Variants in CCDC60 observed in about 807,000 individuals in gnomAD.
CCDC60 encodes coiled-coil domain containing 60.
Under a neutral mutation model 63.5 loss-of-function variants are expected in CCDC60, and 54 were observed. The ratio of observed to expected loss-of-function variants is 0.85; its 90% CI spans 0.68 to 1.07. The LOEUF (loss-of-function observed/expected upper bound fraction) is 1.07, where lower values mean the gene tolerates loss of function less well. Ranked by LOEUF, CCDC60 falls within the 50% of genes least tolerant of loss-of-function variation. The pLI is 0.00. For synonymous variants in CCDC60, 206 were observed against 238.8 expected (o/e 0.86, Z 1.27); for missense variants, 651 against 684.3 (o/e 0.95, Z 0.54).
intron 2 of CCDC60, among the ~76,000 whole-genome samples, chr12:119,447,257 C>T (rs1566014736): frequency 1.3e-5 from 2 of 152,250 alleles, no homozygotes; most frequent in East Asian, 3.9e-4. Context: ...GTTGTAAACT[C>T]AAAAGGGAAG....
At chr12:119,444,129 A>C (rs188342576) in intron 2 of CCDC60, among the ~76,000 whole-genome samples, 6 of 152,338 alleles carry the variant, frequency 3.9e-5, no homozygotes, top group Non-Finnish European at 5.9e-5. Flanking sequence ...GCCAGAAAGC[A>C]TACAGCTAAG....
intron 2 of CCDC60, among the ~76,000 whole-genome samples, chr12:119,451,922 C>G (rs1023932018): frequency 6.6e-6 from 1 of 152,150 alleles, no homozygotes; most frequent in African/African-American, 2.4e-5. Context: ...AGAACTGGCC[C>G]TCACCAAGAG....
At chr12:119,403,280 A>T (rs1345086530) in intron 1 of CCDC60, among the ~76,000 whole-genome samples, 2 of 152,116 alleles carry the variant, frequency 1.3e-5, no homozygotes, top group Non-Finnish European at 2.9e-5. Flanking sequence ...GAATATTTTG[A>T]TTGGCTGGGC....
chr12:119,385,137 C>T (rs116730272), intron 1 of CCDC60, among the ~76,000 whole-genome samples: 2 of 152,180 alleles, frequency 1.3e-5, no homozygotes, highest in African/African-American at 4.8e-5. Flanking sequence ...AATATTGACT[C>T]CTTGAGGACA....
At chr12:119,439,059 G>A (rs1950382352) in intron 2 of CCDC60, among the ~76,000 whole-genome samples, 1 of 146,582 alleles carries the variant, frequency 6.8e-6, no homozygotes, top group African/African-American at 2.5e-5. Flanking sequence ...CATGGTCCTG[G>A]ACCATGAGAA....
intron 2 of CCDC60, among the ~76,000 whole-genome samples, chr12:119,465,420 A>G (rs1305652081): frequency 6.6e-6 from 1 of 152,086 alleles, no homozygotes; most frequent in African/African-American, 2.4e-5. Context: ...TAAAGCCTCT[A>G]TGTATTGATT....
chr12:119,505,478 T>C (rs539326609), intron 7 of CCDC60, among the ~76,000 whole-genome samples, 175 bp downstream of exon 7: 2 of 152,364 alleles, frequency 1.3e-5, no homozygotes, highest in African/African-American at 4.8e-5. Context: ...ATCAGAAATA[T>C]ACTCCATAAC....
At chr12:119,335,526 G>C (rs1955461877) in intron 1 of CCDC60, among the ~76,000 whole-genome samples, 1 of 150,530 alleles carries the variant, frequency 6.6e-6, no homozygotes, top group Non-Finnish European at 1.5e-5. Flanking sequence ...TTGTGGTTTT[G>C]ATTTGCATTT....
At chr12:119,449,066 G>T (rs1487534635) in intron 2 of CCDC60, among the ~76,000 whole-genome samples, 1 of 152,178 alleles carries the variant, frequency 6.6e-6, no homozygotes, top group Non-Finnish European at 1.5e-5. Context: ...AAGGTATGGG[G>T]TGACTTTTTG....
intron 1 of CCDC60, among the ~76,000 whole-genome samples, chr12:119,384,601 G>A (rs1056470600): frequency 2.6e-5 from 4 of 152,152 alleles, no homozygotes; most frequent in African/African-American, 4.8e-5. Context: ...TGCGAGCTCC[G>A]GGCCGCTCCC....
chr12:119,388,633 CTCTTT>C (rs1179160723), intron 1 of CCDC60, among the ~76,000 whole-genome samples: 1 of 152,184 alleles, frequency 6.6e-6, no homozygotes, highest in Non-Finnish European at 1.5e-5. Context: ...GTAGTTTGCT[CTCTTT>C]TCATTGATTT....
chr12:119,460,925 C>G (rs1950845906), intron 2 of CCDC60, among the ~76,000 whole-genome samples: 2 of 152,058 alleles, frequency 1.3e-5, no homozygotes. Flanking sequence ...TTCTACAGAC[C>G]TAGAAATGAA....
At position 119,366,590 on chromosome 12, in the gene CCDC60, T is replaced by C. The variant is rs1184734973; in HGVS notation, c.90+31324T>C. On this transcript the variant is annotated intron_variant, in intron 1 of 13. Coordinates refer to ENST00000327554, the MANE Select transcript of CCDC60 (RefSeq NM_178499.5). ...CACACACAGAAAACTGTGCCCTGGG[T>C]GGGGGTGTGGGGCTTCATGAGAAAA... 4.6e-5 allele frequency among the ~76,000 whole-genome samples: 7 copies of C among 152,072 alleles called. 1 individual carries two copies. In the South Asian group the frequency reaches 8.3e-4, roughly 18 times the overall value.
At chr12:119,524,721 C>CTTTTTTTTT (rs55694840) in intron 11 of CCDC60, among the ~76,000 whole-genome samples, 70 of 98,968 alleles carry the variant, frequency 7.1e-4, no homozygotes, top group Non-Finnish European at 8.0e-4. Context: ...CTTTTCTTTT[C>CTTTTTTTTT]TTTTTTTTTT....
At chr12:119,485,023 GA>G (rs1393260240) in intron 4 of CCDC60, among the ~76,000 whole-genome samples, 8 of 152,198 alleles carry the variant, frequency 5.3e-5, no homozygotes, top group African/African-American at 1.9e-4. Context: ...AGCAATCAAG[GA>G]AGGCTTCCGG....
At chr12:119,381,411 C>T (rs1036902509) in intron 1 of CCDC60, among the ~76,000 whole-genome samples, 3 of 152,200 alleles carry the variant, frequency 2.0e-5, no homozygotes, top group African/African-American at 7.2e-5. Flanking sequence ...AAGCTGTTCT[C>T]CCTATACAAG....
chr12:119,362,712 G>A (rs1345267807), intron 1 of CCDC60, among the ~76,000 whole-genome samples: 1 of 152,162 alleles, frequency 6.6e-6, no homozygotes, highest in East Asian at 1.9e-4. Context: ...ACTATTATGA[G>A]TAAATCTTCT....
In CCDC60 at chr12:119,354,056, C is replaced by G. The variant is rs1323462024; in HGVS notation, c.90+18790C>G. On this transcript the variant is annotated intron_variant, in intron 1 of 13. Transcript: ENST00000327554. ...GCTATCTGCTCTCTCCCTGCTTGCT[C>G]TCTCTCTTTCTCTCTCTCTCTCGTC... 1.0e-4 allele frequency among the ~76,000 whole-genome samples: 9 copies of G among 90,252 alleles called. No individual in the cohort carries two copies. In the East Asian group the frequency reaches 2.0e-3, roughly 20 times the overall value. The allele number at this position is 90,252 out of a possible 152,430, so 59.2% of individuals were successfully genotyped here.
Position 119,339,794 on chromosome 12 carries a change from C to T in CCDC60, c.90+4528C>T, listed in dbSNP as rs925844544. Among the ~76,000 whole-genome samples, 10 of 152,228 alleles carry T rather than the reference C, an allele frequency of 6.6e-5. No homozygotes were observed. In the East Asian group the frequency reaches 1.7e-3, roughly 26 times the overall value. On this transcript the variant is annotated intron_variant, in intron 1 of 13. Transcript: ENST00000327554. ...CTATACTCCAGCCGGGGTGACAGAG[C>T]GAGATCCTGTCTCAATAAATCAACC...
Sources: gnomAD v4.1 joint callset for allele counts (sites outside exome capture counted in the v4.1 genomes callset) on GRCh38, gnomAD v4.1.1 for gene constraint, MANE v1.5 for transcripts, NCBI Gene and HGNC (gene_info 2026-07-23, HGNC 2026-07-21) for gene names.